The following WNK1 variants were observed in gnomAD, a reference collection of about 807,000 sequenced individuals.
The protein encoded by WNK1 is WNK lysine deficient protein kinase 1.
WNK1 carries 38 observed loss-of-function variants against 222.8 expected under a neutral mutation model. The observed-to-expected ratio is 0.17, with a 90% CI of 0.13 to 0.22. The LOEUF (loss-of-function observed/expected upper bound fraction) is 0.22. Among genes scored for constraint, WNK1 ranks in the 10% least tolerant of loss-of-function variants. WNK1 has a pLI of 1.00. For synonymous variants in WNK1, 1,090 were observed against 1,092.9 expected (o/e 1.00, Z 0.05); for missense variants, 2,348 against 2,918.4 (o/e 0.80, Z 4.50).
rs1953085647 is a variant in WNK1 at position 880,815 on chromosome 12, T to C, written c.2927T>C (p.Leu976Pro). 1 of 1,614,082 alleles carries C rather than the reference T, an allele frequency of 6.2e-7. No homozygotes were observed. The highest frequency in any genetic ancestry group is 8.5e-7 in the Non-Finnish European group (1 of 1,180,004). Reference sequence around the variant, plus strand: ...TCTGTTTGCATCCATTCTACAGTCCTATCCCCTCCCATGCCGACAGAAGTA... The same window carrying C: ...TCTGTTTGCATCCATTCTACAGTCCCATCCCCTCCCATGCCGACAGAAGTA... ...VASVCIHSTV[L>P]SPPMPTEVLA... Residue 976 changes from leucine to proline, a missense_variant, in exon 12 of 28, where the codon CTA (leucine) becomes CCA (proline). Coordinates refer to ENST00000315939, the MANE Select transcript of WNK1 (RefSeq NM_018979.4).
At chr12:763,020 AC>A (rs527877350) in intron 1 of WNK1, among the ~76,000 whole-genome samples, 5 of 146,918 alleles carry the variant, frequency 3.4e-5, no homozygotes, top group Admixed American at 3.4e-4. Flanking sequence ...TGCTGGAATT[AC>A]AGGTGTGAGC....
Position 885,566 on chromosome 12 carries a change from C to T in WNK1, c.4762C>T (p.Pro1588Ser). Residue 1588 changes from proline to serine, a missense_variant, in exon 19 of 28, where the codon CCT becomes TCT. Transcript: ENST00000315939. Reference protein sequence around the residue: ...STPILPQAAGPTSTPLLPQVP... With the variant: ...STPILPQAAGSTSTPLLPQVP... ...TCCTATTCTTCCCCAAGCAGCAGGA[C>T]CTACTTCTACACCTTTATTACCCCA... 1 of 1,614,164 alleles carries T rather than the reference C, an allele frequency of 6.2e-7. No individual in the cohort carries two copies. Among genetic ancestry groups the T allele is most frequent in the South Asian group, 1.1e-5 (1 of 91,088 alleles).
intron 2 of WNK1, among the ~76,000 whole-genome samples, chr12:819,151 GA>G (rs1947631788): frequency 6.6e-6 from 1 of 152,134 alleles, no homozygotes; most frequent in Non-Finnish European, 1.5e-5. Context: ...TATCTTTGGA[GA>G]AATGTTTATT....
At chr12:755,751 T>C (rs1315539517) in intron 1 of WNK1, among the ~76,000 whole-genome samples, 1 of 151,886 alleles carries the variant, frequency 6.6e-6, no homozygotes, top group African/African-American at 2.4e-5. Flanking sequence ...CCAAGGCGGG[T>C]GGATCACGGG....
chr12:849,512 A>G (rs1013070543), intron 4 of WNK1, among the ~76,000 whole-genome samples: 4 of 152,192 alleles, frequency 2.6e-5, no homozygotes, highest in African/African-American at 4.8e-5. Flanking sequence ...TGAGACTTTT[A>G]TAGGAGGGAG....
chr12:862,657 A>G (rs142820675), intron 8 of WNK1, among the ~76,000 whole-genome samples: 294 of 152,334 alleles, frequency 1.9e-3, no homozygotes, highest in African/African-American at 6.7e-3. Flanking sequence ...TCCCTATTGT[A>G]CAAAACACAG....
At chr12:861,637 A>G (rs1951227053) in intron 7 of WNK1, among the ~76,000 whole-genome samples, 1 of 152,178 alleles carries the variant, frequency 6.6e-6, no homozygotes, top group African/African-American at 2.4e-5. Flanking sequence ...AATAAAACAG[A>G]TTTAATAATG....
intron 4 of WNK1, among the ~76,000 whole-genome samples, chr12:838,107 G>GTGTGTGTA (rs1220649743): frequency 7.2e-6 from 1 of 139,084 alleles, no homozygotes; most frequent in Non-Finnish European, 1.6e-5. Context: ...GTGTGTGTGT[G>GTGTGTGTA]TGTATGTATA....
chr12:809,221 T>C (rs2154004378), intron 1 of WNK1, among the ~76,000 whole-genome samples: 2 of 140,066 alleles, frequency 1.4e-5, no homozygotes, highest in East Asian at 2.1e-4. Flanking sequence ...CCTATTCTTT[T>C]GAGGAAAAAA....
At chr12:759,014 A>C (rs1940624631) in intron 1 of WNK1, among the ~76,000 whole-genome samples, 1 of 146,822 alleles carries the variant, frequency 6.8e-6, no homozygotes, top group African/African-American at 2.4e-5. Flanking sequence ...AATTTCAAAA[A>C]ATAAAAAATA....
At chr12:907,100 A>G (rs1172752154) in intron 26 of WNK1, among the ~76,000 whole-genome samples, 1 of 148,190 alleles carries the variant, frequency 6.7e-6, no homozygotes, top group Non-Finnish European at 1.5e-5. Context: ...CGGGCGGATC[A>G]CCTGAGGTCA....
At chr12:894,658 C>G in intron 23 of WNK1, 23 bp downstream of exon 23, 1 of 1,607,322 alleles carries the variant, frequency 6.2e-7, no homozygotes, top group Non-Finnish European at 8.5e-7. Context: ...CTTTGTGTTG[C>G]CTTGATTCCT....
intron 1 of WNK1, among the ~76,000 whole-genome samples, chr12:796,470 A>G (rs1217868690): frequency 6.6e-6 from 1 of 152,110 alleles, no homozygotes; most frequent in East Asian, 1.9e-4. Context: ...AGAAATTCAG[A>G]AAGAATATAA....
At chr12:888,346 G>A (rs563549686) in intron 20 of WNK1, among the ~76,000 whole-genome samples, 14 of 152,180 alleles carry the variant, frequency 9.2e-5, no homozygotes, top group Non-Finnish European at 1.8e-4. Context: ...CCGTAAATCA[G>A]GAGTTAGAAA....
At position 896,671 on chromosome 12, in the gene WNK1, G is replaced by A. The variant is rs756976875; in HGVS notation, c.6184G>A (p.Asp2062Asn). The A allele has an allele frequency of 2.5e-6, 4 of 1,609,352 alleles. No individual in the cohort carries two copies. Among genetic ancestry groups the A allele is most frequent in the East Asian group, 2.2e-5 (1 of 44,830 alleles). Residue 2062 changes from aspartate to asparagine, a missense_variant, in exon 24 of 28, where the codon GAC becomes AAC. By Grantham distance (23) the Asp-to-Asn change is conservative. Around this residue, in one of 13 missense-constraint regions of WNK1, gnomAD observed 1,144 missense variants for 1,273.6 expected, o/e 0.90. Transcript: ENST00000315939. ...NSFNSSYMSS[D>N]NESDIEDEDL... ...ATTTAACTCCTCTTACATGAGTAGC[G>A]ACAATGAGTCAGATATCGAAGATGA...
At position 909,527 on chromosome 12, in the gene WNK1, C is replaced by T. The variant is rs1316973272; in HGVS notation, c.*735C>T. The T allele has an allele frequency of 6.6e-6, 1 of 152,044 alleles. No homozygotes were observed. Among genetic ancestry groups the T allele is most frequent in the Non-Finnish European group, 1.5e-5 (1 of 68,012 alleles). 9.4% of individuals were successfully genotyped at this position (152,044 alleles called of 1,614,324 possible). On this transcript the variant is annotated 3_prime_UTR_variant, in exon 28 of 28. Transcript: ENST00000315939. ...GTAGTTTTAAGAGTAAAATATGAAA[C>T]GTTTAAAAAGTTCCAAAAAAAGCTA... is the stretch of plus-strand genomic sequence containing the variant.
At chr12:771,913 G>T (rs567229812) in intron 1 of WNK1, among the ~76,000 whole-genome samples, 1 of 151,988 alleles carries the variant, frequency 6.6e-6, no homozygotes, top group South Asian at 2.1e-4. Flanking sequence ...GCCTCCCAAA[G>T]TATTGGGATT....
intron 4 of WNK1, among the ~76,000 whole-genome samples, chr12:846,453 A>T (rs1344349764): frequency 6.6e-6 from 1 of 152,212 alleles, no homozygotes; most frequent in Admixed American, 6.5e-5. Flanking sequence ...TCATGTATTC[A>T]GAGAGTAACG....
In WNK1 at chr12:884,340, A is replaced by T. The variant is rs67247170; in HGVS notation, c.3844+97A>T. ...AAAGCAGTAATTTATGATGACACAGATAATAAAAAAGAATAGAAAACTGAA... is the reference window on the plus strand; with the variant it reads ...AAAGCAGTAATTTATGATGACACAGTTAATAAAAAAGAATAGAAAACTGAA... On this transcript the variant is annotated intron_variant, in intron 18 of 27. Transcript: ENST00000315939. The surrounding 1 kb of genome is among the most constrained non-coding windows in gnomAD (Gnocchi z 5.6). 5,063 of 1,554,002 alleles carry T rather than the reference A, an allele frequency of 3.3e-3. 13 individuals carry two copies. Among genetic ancestry groups the T allele is most frequent in the Non-Finnish European group, 4.0e-3 (4,484 of 1,130,788 alleles).
Sources: gnomAD v4.1 joint callset for allele counts (sites outside exome capture counted in the v4.1 genomes callset) on GRCh38, gnomAD v4.1.1 for gene constraint, gnomAD v4.1.1 regional missense constraint, Gnocchi (gnomAD v3.1) non-coding constraint, MANE v1.5 for transcripts, NCBI Gene and HGNC (gene_info 2026-07-23, HGNC 2026-07-21) for gene names.